DIP2C: variants seen among roughly 807,000 people sequenced by gnomAD.
The protein encoded by DIP2C is disco-interacting protein 2 homolog C.
In DIP2C, 33 loss-of-function variants were observed where a neutral mutation model predicts 192.4. That is an observed-to-expected ratio of 0.17 (90% CI 0.13 to 0.23). The LOEUF is 0.23. Among genes scored for constraint, DIP2C ranks in the 10% least tolerant of loss-of-function variants. The pLI, the probability that DIP2C is intolerant of heterozygous loss-of-function variation, is 1.00. For missense variants in DIP2C, 1,537 were observed against 2,110.1 expected, an observed-to-expected ratio of 0.73 and a Z score of 5.32; for synonymous variants, 979 against 864.1, an observed-to-expected ratio of 1.13 and a Z score of -2.33.
chr10:364,084 T>C (rs1959880735), intron 20 of DIP2C, among the ~76,000 whole-genome samples: 1 of 152,222 alleles, frequency 6.6e-6, no homozygotes, highest in Non-Finnish European at 1.5e-5. Flanking sequence ...GGATCTTTAA[T>C]TTGTGCAGTT....
intron 1 of DIP2C, among the ~76,000 whole-genome samples, chr10:661,182 C>T (rs369408918): frequency 6.6e-6 from 1 of 152,168 alleles, no homozygotes; most frequent in Admixed American, 6.5e-5. Context: ...TTCTCTGGAC[C>T]GCACCGAGTG....
At chr10:604,366 G>A (rs1852319478) in intron 1 of DIP2C, among the ~76,000 whole-genome samples, 1 of 152,200 alleles carries the variant, frequency 6.6e-6, no homozygotes, top group African/African-American at 2.4e-5. Flanking sequence ...ACAAAGATGA[G>A]GAAGGCAGTT....
chr10:507,911 G>A (rs771164176), intron 1 of DIP2C, among the ~76,000 whole-genome samples: 2 of 152,206 alleles, frequency 1.3e-5, no homozygotes, highest in Non-Finnish European at 2.9e-5. Flanking sequence ...TTAAAAGACA[G>A]GAGAAGACTT....
intron 1 of DIP2C, among the ~76,000 whole-genome samples, chr10:494,538 A>G (rs1844676609): frequency 6.6e-6 from 1 of 151,952 alleles, no homozygotes; most frequent in Non-Finnish European, 1.5e-5. Flanking sequence ...AGCTACCAAG[A>G]GTCAAAGCAA....
At chr10:443,666 A>G (rs764495933) in intron 3 of DIP2C, among the ~76,000 whole-genome samples, 4 of 152,186 alleles carry the variant, frequency 2.6e-5, no homozygotes, top group Non-Finnish European at 4.4e-5. Flanking sequence ...CCAATCCCAC[A>G]TGATCCATTC....
At chr10:327,206 GC>G in intron 30 of DIP2C, 30 bp from the exon 31 acceptor site, 13 of 1,603,190 alleles carry the variant, frequency 8.1e-6, no homozygotes, top group Non-Finnish European at 1.0e-5. Flanking sequence ...AACCGAGTCA[GC>G]CCCCACGTGT....
At chr10:679,999 G>A (rs1484673571) in intron 1 of DIP2C, among the ~76,000 whole-genome samples, 4 of 152,156 alleles carry the variant, frequency 2.6e-5, no homozygotes, top group Non-Finnish European at 5.9e-5. Context: ...CCTGACAGTC[G>A]GTTTATTAGC....
chr10:669,235 C>G (rs1857298673), intron 1 of DIP2C: 1 of 152,140 alleles, frequency 6.6e-6, no homozygotes, highest in Non-Finnish European at 1.5e-5. Context: ...CCAAGGTTAT[C>G]AAAGACTCAC....
chr10:545,550 C>T (rs560956019), intron 1 of DIP2C, among the ~76,000 whole-genome samples: 3 of 152,148 alleles, frequency 2.0e-5, no homozygotes, highest in East Asian at 1.9e-4. Context: ...GAGAAGACGC[C>T]GTCTACACAG....
intron 1 of DIP2C, among the ~76,000 whole-genome samples, chr10:610,240 C>G (rs893288101): frequency 2.6e-5 from 4 of 152,172 alleles, no homozygotes; most frequent in Admixed American, 2.6e-4. Context: ...CATGTTCTCA[C>G]TCATGAGCAG....
At chr10:423,085 A>G (rs1392381489) in intron 4 of DIP2C, 52 bp from the exon 5 acceptor site, 5 of 1,494,786 alleles carry the variant, frequency 3.3e-6, no homozygotes, top group Middle Eastern at 3.8e-4. Context: ...AACGTGCACC[A>G]CAATCTCAGT....
chr10:412,170 T>C (rs1012011500), intron 8 of DIP2C, among the ~76,000 whole-genome samples: 1 of 152,254 alleles, frequency 6.6e-6, no homozygotes, highest in South Asian at 2.1e-4. Context: ...GCGATCCTTC[T>C]GATCGACATC....
intron 1 of DIP2C, among the ~76,000 whole-genome samples, chr10:645,021 G>A (rs567549062): frequency 8.5e-5 from 13 of 152,316 alleles, no homozygotes; most frequent in East Asian, 3.9e-4. Flanking sequence ...GGATGTTCCC[G>A]ACAAGACAAG....
intron 1 of DIP2C, among the ~76,000 whole-genome samples, chr10:620,414 G>A (rs1033064709): frequency 3.3e-5 from 5 of 152,144 alleles, no homozygotes; most frequent in Admixed American, 3.3e-4. Context: ...AAAGAAAACG[G>A]CACACGGAGA....
intron 2 of DIP2C, among the ~76,000 whole-genome samples, chr10:478,786 T>C (rs1396399947): frequency 1.4e-5 from 2 of 139,784 alleles, no homozygotes; most frequent in Admixed American, 7.0e-5. Flanking sequence ...GGCGTGCAGA[T>C]ACATCCAAAT....
chr10:503,718 G>A (rs756464099), intron 1 of DIP2C, among the ~76,000 whole-genome samples: 2 of 152,132 alleles, frequency 1.3e-5, no homozygotes, highest in South Asian at 2.1e-4. Context: ...CCGAGTTAAC[G>A]TTTGCTGGCC....
chr10:284,496 C>G lies in DIP2C; in HGVS notation c.4120-1050G>C, dbSNP rs529733405. Among the ~76,000 whole-genome samples, 7 of 152,280 alleles carry G rather than the reference C, an allele frequency of 4.6e-5. No individual in the cohort carries two copies. In the East Asian group the frequency reaches 1.4e-3, roughly 29 times the overall value. ...CGTTGTGCTGAGTGAGAAGCCAGAACAGAGAAGGACAAATACTGCACCACC... is the reference window on the plus strand; with the variant it reads ...CGTTGTGCTGAGTGAGAAGCCAGAAGAGAGAAGGACAAATACTGCACCACC... On this transcript the variant is annotated intron_variant, in intron 34 of 36. Transcript: ENST00000280886.
chr10:356,028 G>A (rs376809856), intron 24 of DIP2C, among the ~76,000 whole-genome samples: 52 of 152,296 alleles, frequency 3.4e-4, no homozygotes, highest in East Asian at 3.3e-3. Flanking sequence ...TGCAGTGAGC[G>A]GAGATCGTGC....
intron 3 of DIP2C, among the ~76,000 whole-genome samples, chr10:446,889 G>A (rs376698767): frequency 1.3e-5 from 2 of 152,150 alleles, no homozygotes; most frequent in Non-Finnish European, 2.9e-5. Context: ...TTTGAATGAT[G>A]AGCCAAGTGT....
Sources: allele counts gnomAD v4.1 joint callset (sites outside exome capture counted in the v4.1 genomes callset), GRCh38; gene constraint gnomAD v4.1.1; transcripts MANE v1.5; gene names NCBI Gene and HGNC (gene_info 2026-07-23, HGNC 2026-07-21).